GRIK2: variants seen among roughly 807,000 people sequenced by gnomAD.
GRIK2 encodes the protein glutamate receptor ionotropic, kainate 2.
A neutral mutation model predicts 100.3 loss-of-function variants in GRIK2; 32 were observed. That is an observed-to-expected ratio of 0.32 (90% CI 0.24 to 0.43). GRIK2 has a LOEUF of 0.43. GRIK2 is among the 20% of genes least tolerant of loss of function. The probability of loss-of-function intolerance (pLI) is 1.00; values close to 1 mark genes in which losing one functional copy is unlikely to be tolerated. For synonymous variants in GRIK2, 417 were observed against 389.4 expected (o/e 1.07, Z -0.83); for missense variants, 843 against 1,114.9 (o/e 0.76, Z 3.47).
At chr6:101,904,656 C>G (rs760375723) in intron 12 of GRIK2, among the ~76,000 whole-genome samples, 14 of 151,334 alleles carry the variant, frequency 9.3e-5, no homozygotes, top group Non-Finnish European at 1.8e-4. Context: ...ATCCTCACAA[C>G]CTAGCAAACA....
rs555112157 is a variant in GRIK2, at chr6:101,651,371, A to C, written c.541+24734A>C. Among the ~76,000 whole-genome samples the C allele has an allele frequency of 2.0e-5, 3 of 152,236 alleles. No homozygotes were observed. The South Asian group carries it at 6.2e-4, about 32-fold the overall frequency. The stretch of plus-strand genomic sequence containing the variant: ...ATTCAACAAATGTATTTGAGCTCTT[A>C]CCATGTGTTAGACATGTGCTAATCA... On this transcript the variant is annotated intron_variant, in intron 4 of 16. Coordinates refer to ENST00000369134, the MANE Select transcript of GRIK2 (RefSeq NM_021956.5).
chr6:101,510,757 C>T (rs2128277924), intron 2 of GRIK2, among the ~76,000 whole-genome samples: 1 of 151,386 alleles, frequency 6.6e-6, no homozygotes, highest in South Asian at 2.1e-4. Flanking sequence ...CTCCTGGCCT[C>T]CTGATTCACC....
intron 14 of GRIK2, among the ~76,000 whole-genome samples, chr6:101,971,949 G>T (rs1037044895): frequency 6.6e-6 from 1 of 151,904 alleles, no homozygotes; most frequent in Non-Finnish European, 1.5e-5. Flanking sequence ...TGGCATCATA[G>T]TATTCCAAGG....
At chr6:101,978,377 C>A (rs781599863) in intron 14 of GRIK2, among the ~76,000 whole-genome samples, 7 of 151,922 alleles carry the variant, frequency 4.6e-5, no homozygotes, top group Non-Finnish European at 7.4e-5. Context: ...TTAAAAATGG[C>A]ATTTGTTATG....
intron 14 of GRIK2, among the ~76,000 whole-genome samples, chr6:101,953,714 T>C (rs1043962553): frequency 1.1e-4 from 17 of 152,330 alleles, no homozygotes; most frequent in Non-Finnish European, 2.1e-4. Flanking sequence ...GTTATCATTT[T>C]ACTTTGTTCA....
intron 4 of GRIK2, among the ~76,000 whole-genome samples, chr6:101,639,188 C>A (rs1343148326): frequency 6.6e-6 from 1 of 152,076 alleles, no homozygotes; most frequent in Non-Finnish European, 1.5e-5. Flanking sequence ...AGGCACGTGC[C>A]ACCATGCCCG....
At chr6:101,806,432 C>G (rs896121415) in intron 9 of GRIK2, among the ~76,000 whole-genome samples, 5 of 152,004 alleles carry the variant, frequency 3.3e-5, no homozygotes, top group Non-Finnish European at 5.9e-5. Context: ...CCTCTCTCTT[C>G]AATTCTGTTA....
intron 4 of GRIK2, among the ~76,000 whole-genome samples, chr6:101,642,370 T>G (rs1781313112): frequency 6.6e-6 from 1 of 151,780 alleles, no homozygotes; most frequent in Non-Finnish European, 1.5e-5. Flanking sequence ...AACTAAACTT[T>G]TGTATGCACT....
intron 7 of GRIK2, among the ~76,000 whole-genome samples, chr6:101,775,517 ATG>A (rs1562376119): frequency 8.3e-6 from 1 of 119,998 alleles, no homozygotes; most frequent in African/African-American, 3.2e-5. Flanking sequence ...TTATATATAT[ATG>A]TGTGTATATA....
chr6:101,692,067 A>AAAAAAAAAAG (rs1772146800), intron 7 of GRIK2, among the ~76,000 whole-genome samples: 5 of 145,408 alleles, frequency 3.4e-5, no homozygotes, highest in African/African-American at 1.3e-4. Context: ...AAAAAAAAAA[A>AAAAAAAAAAG]GCAATGGAAA....
chr6:101,640,899 G>C (rs1303268655), intron 4 of GRIK2, among the ~76,000 whole-genome samples: 1 of 151,968 alleles, frequency 6.6e-6, no homozygotes, highest in Admixed American at 6.6e-5. Context: ...ATAAACAAAG[G>C]CATCATTTTG....
chr6:101,948,444 AAT>A (rs10581343), intron 14 of GRIK2, among the ~76,000 whole-genome samples: 124,462 of 146,818 alleles, frequency 0.85, 52,839 homozygotes, highest in East Asian at 0.91. Context: ...TTCCTTAACT[AAT>A]ATATATATAT....
chr6:101,579,609 T>C (rs532638392), intron 2 of GRIK2, among the ~76,000 whole-genome samples: 49 of 152,166 alleles, frequency 3.2e-4, no homozygotes, highest in African/African-American at 1.1e-3. Flanking sequence ...TCCCAGCACT[T>C]TGGGAGGCCA....
intron 1 of GRIK2, among the ~76,000 whole-genome samples, chr6:101,395,767 T>C (rs1027326640): frequency 3.9e-5 from 6 of 152,046 alleles, no homozygotes; most frequent in African/African-American, 1.2e-4. Flanking sequence ...GATATTTGTG[T>C]CAGCCTTCTA....
At chr6:101,863,790 G>A (rs1784881842) in intron 11 of GRIK2, among the ~76,000 whole-genome samples, 1 of 152,138 alleles carries the variant, frequency 6.6e-6, no homozygotes, top group African/African-American at 2.4e-5. Flanking sequence ...ACTCTGTCTT[G>A]AGTGACTTAT....
intron 2 of GRIK2, among the ~76,000 whole-genome samples, chr6:101,439,994 TC>T (rs1435068764): frequency 2.6e-5 from 4 of 152,178 alleles, no homozygotes; most frequent in Non-Finnish European, 1.5e-5. Flanking sequence ...AATAATGTTC[TC>T]ATTGGAAGAT....
chr6:101,838,139 A>G (rs1392522799), intron 10 of GRIK2, among the ~76,000 whole-genome samples: 1 of 152,162 alleles, frequency 6.6e-6, no homozygotes, highest in Non-Finnish European at 1.5e-5. Context: ...TCAGTTTATT[A>G]CTGTTAGATC....
intron 10 of GRIK2, among the ~76,000 whole-genome samples, chr6:101,858,060 G>A (rs368887150): frequency 3.3e-5 from 5 of 152,018 alleles, no homozygotes; most frequent in African/African-American, 4.8e-5. Context: ...ATTATACTTC[G>A]TCTCTTACCT....
At chr6:101,978,312 A>T (rs1201691694) in intron 14 of GRIK2, among the ~76,000 whole-genome samples, 2 of 152,050 alleles carry the variant, frequency 1.3e-5, no homozygotes, top group African/African-American at 4.8e-5. Flanking sequence ...ATATGTAATT[A>T]TAAAGAGTTT....
Sources: gnomAD v4.1 joint callset for allele counts (sites outside exome capture counted in the v4.1 genomes callset) on GRCh38, gnomAD v4.1.1 for gene constraint, MANE v1.5 for transcripts, NCBI Gene and HGNC (gene_info 2026-07-23, HGNC 2026-07-21) for gene names.